The following RBFOX1 variants were observed in gnomAD, a reference collection of about 807,000 sequenced individuals.
RBFOX1 encodes the protein RNA binding fox-1 homolog 1, also known as RNA binding protein fox-1 homolog 1.
Under a neutral mutation model 57.7 loss-of-function variants are expected in RBFOX1, and 8 were observed. The ratio of observed to expected loss-of-function variants is 0.14; its 90% CI spans 0.08 to 0.25. The LOEUF is 0.25. RBFOX1 is among the 10% of genes least tolerant of loss of function. The pLI is 1.00. For missense variants in RBFOX1, 611 were observed against 548.5 expected (o/e 1.11, Z -1.14); for synonymous variants, 326 against 222.4 (o/e 1.47, Z -4.15).
chr16:5,525,858 C>T (rs185405483), intron 2 of RBFOX1, among the ~76,000 whole-genome samples: 1 of 152,156 alleles, frequency 6.6e-6, no homozygotes, highest in East Asian at 1.9e-4. Flanking sequence ...GCTGCATGCA[C>T]CAAGTGGCAA....
Position 6,883,353 on chromosome 16 carries a change from A to G in RBFOX1, c.-15-168704A>G, listed in dbSNP as rs545611741. 1.8e-4 allele frequency among the ~76,000 whole-genome samples: 28 copies of G among 152,184 alleles called. 1 individual carries two copies. Among genetic ancestry groups the G allele is most frequent in the Non-Finnish European group, 1.0e-4 (7 of 68,032 alleles). On this transcript the variant is annotated intron_variant, in intron 3 of 15. Transcript: ENST00000550418. ...GTTAATAAGGCAGATCTGTTTGTAA[A>G]AGAGTATAATCAAGTAAATCACAGC...
chr16:7,014,249 C>T (rs1460001643), intron 3 of RBFOX1, among the ~76,000 whole-genome samples: 2 of 151,276 alleles, frequency 1.3e-5, no homozygotes, highest in African/African-American at 4.9e-5. Context: ...CTCGCTCTGT[C>T]GCCCAGGCTG....
intron 3 of RBFOX1, among the ~76,000 whole-genome samples, chr16:5,784,989 G>A (rs2054451352): frequency 6.6e-6 from 1 of 152,168 alleles, no homozygotes; most frequent in African/African-American, 2.4e-5. Flanking sequence ...GACAGGGAGG[G>A]ACCTACTTCA....
rs9932480 is a variant in RBFOX1, at chr16:5,277,523, A to G, written c.219+37418A>G. ...TTAAACACTAGATCTTATTCCTTCTATTGTATATTTTTACACCCATTAATC... is the reference window on the plus strand; with the variant it reads ...TTAAACACTAGATCTTATTCCTTCTGTTGTATATTTTTACACCCATTAATC... On this transcript the variant is annotated intron_variant, in intron 1 of 2. Transcript: ENST00000585867. Among the ~76,000 whole-genome samples, 208 of 152,266 alleles carry G rather than the reference A, an allele frequency of 1.4e-3. 1 individual carries two copies. The highest frequency in any genetic ancestry group is 4.2e-3 in the African/African-American group (175 of 41,554).
At chr16:7,306,689 T>C (rs570959985) in intron 4 of RBFOX1, among the ~76,000 whole-genome samples, 2 of 152,302 alleles carry the variant, frequency 1.3e-5, no homozygotes, top group South Asian at 2.1e-4. Flanking sequence ...TTAGGTTTTC[T>C]AGCCCTTCCT....
At chr16:7,350,811 G>C (rs1414939551) in intron 4 of RBFOX1, among the ~76,000 whole-genome samples, 1 of 152,186 alleles carries the variant, frequency 6.6e-6, no homozygotes, top group Non-Finnish European at 1.5e-5. Flanking sequence ...TAGAGGACCA[G>C]GGAGTATAGA....
chr16:7,494,880 A>G (rs372311204), intron 4 of RBFOX1, among the ~76,000 whole-genome samples: 123 of 92,162 alleles, frequency 1.3e-3, no homozygotes, highest in African/African-American at 4.8e-3. Context: ...TTTATTTTAG[A>G]TACAGGAGGT....
At chr16:6,583,968 A>G (rs2097571117) in intron 2 of RBFOX1, among the ~76,000 whole-genome samples, 1 of 151,470 alleles carries the variant, frequency 6.6e-6, no homozygotes, top group Non-Finnish European at 1.5e-5. Flanking sequence ...GAAAGCTGAA[A>G]AACAAATAAA....
At position 5,805,027 on chromosome 16, in the gene RBFOX1, G is replaced by A. The variant is rs1001143874; in HGVS notation, c.319-62276G>A. 2.6e-5 allele frequency among the ~76,000 whole-genome samples: 4 copies of A among 152,142 alleles called. No homozygotes were observed. In the East Asian group the frequency reaches 7.7e-4, roughly 29 times the overall value. On this transcript the variant is annotated intron_variant, in intron 3 of 19. Transcript: ENST00000641259. ...GGGCTGCTGTGACTTGGAGGCTCTG[G>A]GGTGGAAAAATACAGTTTGGGGAGC... is the stretch of plus-strand genomic sequence containing the variant.
intron 3 of RBFOX1, among the ~76,000 whole-genome samples, chr16:5,815,160 T>A (rs1426570481): frequency 1.1e-4 from 16 of 143,942 alleles, no homozygotes; most frequent in East Asian, 6.2e-4. Context: ...AATTTAATTT[T>A]TTTTTTTTTT....
chr16:6,331,795 G>C (rs1385526611), intron 2 of RBFOX1, among the ~76,000 whole-genome samples: 1 of 150,068 alleles, frequency 6.7e-6, no homozygotes, highest in African/African-American at 2.5e-5. Flanking sequence ...GTATTTATTT[G>C]TGTATTGCCC....
At chr16:7,124,542 T>TCTCCCTCCCTCCCTCC (rs763803701) in intron 4 of RBFOX1, among the ~76,000 whole-genome samples, 5 of 81,606 alleles carry the variant, frequency 6.1e-5, no homozygotes, top group Non-Finnish European at 1.2e-4. Flanking sequence ...TCCTTCCCTC[T>TCTCCCTCCCTCCCTCC]CTCCCTCCCT....
intron 4 of RBFOX1, among the ~76,000 whole-genome samples, chr16:7,349,916 G>C (rs925927658): frequency 2.0e-5 from 3 of 152,196 alleles, no homozygotes; most frequent in Non-Finnish European, 4.4e-5. Context: ...GGAGGCCGAG[G>C]TGGGTGGATC....
At chr16:6,966,916 CATCCATCCATCCATCCATCCATTG>C (rs2084366457) in intron 3 of RBFOX1, among the ~76,000 whole-genome samples, 1 of 151,110 alleles carries the variant, frequency 6.6e-6, no homozygotes, top group African/African-American at 2.4e-5. Flanking sequence ...TCCATCCATC[CATCCATCCATCCATCCATCCATTG>C]GCCTACCTAT....
At chr16:6,510,538 G>A (rs1017754490) in intron 2 of RBFOX1, among the ~76,000 whole-genome samples, 1 of 152,168 alleles carries the variant, frequency 6.6e-6, no homozygotes, top group African/African-American at 2.4e-5. Flanking sequence ...TTTGTTCACT[G>A]ACTACCCAAG....
chr16:5,747,156 G>T (rs2053016641), intron 3 of RBFOX1, among the ~76,000 whole-genome samples: 1 of 152,158 alleles, frequency 6.6e-6, no homozygotes, highest in South Asian at 2.1e-4. Flanking sequence ...TGGTTTTGGT[G>T]TTTGGTTCTG....
At chr16:6,858,525 G>A (rs1238040004) in intron 3 of RBFOX1, among the ~76,000 whole-genome samples, 2 of 152,082 alleles carry the variant, frequency 1.3e-5, no homozygotes, top group African/African-American at 2.4e-5. Context: ...TTTGTATCAC[G>A]CTTGCTTGTT....
intron 1 of RBFOX1, among the ~76,000 whole-genome samples, chr16:6,286,360 G>T (rs904452586): frequency 7.2e-6 from 1 of 139,668 alleles, no homozygotes; most frequent in Non-Finnish European, 1.5e-5. Context: ...TCAGATGTGT[G>T]AGAACTTTTA....
chr16:7,261,145 A>G (rs759953468), intron 4 of RBFOX1, among the ~76,000 whole-genome samples: 1 of 152,142 alleles, frequency 6.6e-6, no homozygotes, highest in African/African-American at 2.4e-5. Context: ...CAAAGAGCCA[A>G]CCCACTAGAG....
Sources: gnomAD v4.1 joint callset for allele counts (sites outside exome capture counted in the v4.1 genomes callset) on GRCh38, gnomAD v4.1.1 for gene constraint, MANE v1.5 for transcripts, NCBI Gene and HGNC (gene_info 2026-07-23, HGNC 2026-07-21) for gene names.